Variants in RIT2 observed in about 807,000 individuals in gnomAD.
RIT2 encodes the protein GTP-binding protein Rit2.
Under a neutral mutation model 23.7 loss-of-function variants are expected in RIT2, and 24 were observed. That is an observed-to-expected ratio of 1.01 (90% CI 0.73 to 1.43). RIT2 has a LOEUF of 1.43. Among genes scored for constraint, RIT2 ranks in the 40% most tolerant of loss-of-function variants. The pLI is 0.00. For synonymous variants in RIT2, 107 were observed against 91.1 expected (o/e 1.17, Z -0.99); for missense variants, 236 against 266.9 (o/e 0.88, Z 0.81).
At chr18:42,841,485 G>C (rs1158000500) in intron 4 of RIT2, among the ~76,000 whole-genome samples, 1 of 152,050 alleles carries the variant, frequency 6.6e-6, no homozygotes, top group Non-Finnish European at 1.5e-5. Context: ...TCCTCTTGAT[G>C]GTTTGCTTCT....
intron 2 of RIT2, among the ~76,000 whole-genome samples, chr18:42,990,578 T>G: frequency 6.6e-6 from 1 of 152,322 alleles, no homozygotes; most frequent in Admixed American, 6.5e-5. Context: ...TTGTTGTAAT[T>G]ATTTGTCTTA....
chr18:43,099,561 A>C (rs1858738490), intron 1 of RIT2, among the ~76,000 whole-genome samples: 1 of 152,084 alleles, frequency 6.6e-6, no homozygotes, highest in Non-Finnish European at 1.5e-5. Flanking sequence ...TGGATTATTA[A>C]ATTTAATCTT....
At chr18:42,767,937 C>T (rs1344577062) in intron 4 of RIT2, among the ~76,000 whole-genome samples, 1 of 152,100 alleles carries the variant, frequency 6.6e-6, no homozygotes, top group East Asian at 1.9e-4. Context: ...GAAGCCTCCC[C>T]AGCCATGTGG....
intron 4 of RIT2, among the ~76,000 whole-genome samples, chr18:42,918,774 C>G (rs2144127706): frequency 6.6e-6 from 1 of 152,228 alleles, no homozygotes; most frequent in East Asian, 1.9e-4. Flanking sequence ...AGTGATCACT[C>G]TACTGCTTGT....
intron 4 of RIT2, among the ~76,000 whole-genome samples, chr18:42,893,759 AAAAG>A (rs1436904350): frequency 6.6e-6 from 1 of 152,288 alleles, no homozygotes; most frequent in East Asian, 1.9e-4. Flanking sequence ...AGGCAAGAAA[AAAAG>A]AGAGAGTCAA....
intron 4 of RIT2, among the ~76,000 whole-genome samples, chr18:42,829,457 C>T (rs1334564471): frequency 6.6e-6 from 1 of 152,156 alleles, no homozygotes; most frequent in Non-Finnish European, 1.5e-5. Context: ...GAGGGTGGCT[C>T]TGTGAGCTTC....
intron 1 of RIT2, among the ~76,000 whole-genome samples, chr18:43,063,690 T>C (rs1275411560): frequency 6.6e-6 from 1 of 152,146 alleles, no homozygotes; most frequent in East Asian, 1.9e-4. Flanking sequence ...TAAAATACAG[T>C]TCTTATGTGA....
In RIT2 at chr18:43,028,849, G is replaced by A. The variant is rs187035914; in HGVS notation, c.160+4962C>T. The stretch of plus-strand genomic sequence containing the variant: ...ACAGGAATTTTCTAGTGACACAAAG[G>A]AGTGACTCTATTAGTGTACATTTTA... On this transcript the variant is annotated intron_variant, in intron 2 of 4. Transcript: ENST00000326695. 3.7e-3 allele frequency among the ~76,000 whole-genome samples: 560 copies of A among 152,118 alleles called. 3 individuals are homozygous for A. The highest frequency in any genetic ancestry group is 6.2e-3 in the South Asian group (30 of 4,820).
chr18:42,841,720 T>C (rs544605583), intron 4 of RIT2, among the ~76,000 whole-genome samples: 2 of 152,324 alleles, frequency 1.3e-5, no homozygotes, highest in African/African-American at 4.8e-5. Flanking sequence ...ATGCTTCCTA[T>C]TTGTGGATGT....
chr18:43,078,703 G>A (rs1201668584), intron 1 of RIT2, among the ~76,000 whole-genome samples: 1 of 152,166 alleles, frequency 6.6e-6, no homozygotes, highest in African/African-American at 2.4e-5. Context: ...CCAGACTCCC[G>A]CTTCCCGGGA....
intron 4 of RIT2, among the ~76,000 whole-genome samples, chr18:42,749,151 A>C (rs1912986559): frequency 6.6e-6 from 1 of 151,976 alleles, no homozygotes; most frequent in Non-Finnish European, 1.5e-5. Flanking sequence ...AAATAAATGA[A>C]ATTGATCTAG....
intron 4 of RIT2, among the ~76,000 whole-genome samples, chr18:42,895,110 T>C (rs752350379): frequency 1.3e-5 from 2 of 152,232 alleles, no homozygotes; most frequent in Admixed American, 6.5e-5. Context: ...TTTGGCATTT[T>C]AATCTTATGC....
chr18:42,945,283 G>C (rs768914897), intron 3 of RIT2, among the ~76,000 whole-genome samples: 3 of 151,308 alleles, frequency 2.0e-5, no homozygotes, highest in South Asian at 2.1e-4. Flanking sequence ...TATTACATAA[G>C]AGTCTTTCTG....
chr18:42,969,073 TAATC>T (rs1910303514), intron 3 of RIT2, among the ~76,000 whole-genome samples: 1 of 152,178 alleles, frequency 6.6e-6, no homozygotes, highest in Admixed American at 6.5e-5. Context: ...ATCCATCAAA[TAATC>T]AAAACTATCA....
At chr18:42,803,571 G>A (rs1905598831) in intron 4 of RIT2, among the ~76,000 whole-genome samples, 1 of 152,164 alleles carries the variant, frequency 6.6e-6, no homozygotes, top group Non-Finnish European at 1.5e-5. Context: ...AAGTGGAGCA[G>A]AAATTTAGTA....
At chr18:42,840,271 T>C (rs1299291021) in intron 4 of RIT2, among the ~76,000 whole-genome samples, 1 of 152,238 alleles carries the variant, frequency 6.6e-6, no homozygotes, top group African/African-American at 2.4e-5. Context: ...ATTTCTTTCA[T>C]TTATTCCCAC....
intron 1 of RIT2, among the ~76,000 whole-genome samples, chr18:43,089,525 A>G (rs1370930961): frequency 1.3e-5 from 2 of 151,794 alleles, no homozygotes; most frequent in South Asian, 4.2e-4. Flanking sequence ...AAAAAAAACT[A>G]TTATAAAATT....
rs144650728 is a variant in RIT2, at chr18:43,031,569, A to G, written c.160+2242T>C. Among the ~76,000 whole-genome samples, 457 of 152,156 alleles carry G rather than the reference A, an allele frequency of 3.0e-3. 2 individuals carry two copies. The highest frequency in any genetic ancestry group is 5.2e-3 in the Non-Finnish European group (351 of 67,966). ...GATGTTGAGATTGTTGCCAATAAAT[A>G]AGGGGAACAATTACTCCTTGGGATG... On this transcript the variant is annotated intron_variant, in intron 2 of 4. Transcript: ENST00000326695.
intron 1 of RIT2, among the ~76,000 whole-genome samples, chr18:43,097,665 T>C (rs1455798518): frequency 6.6e-6 from 1 of 151,934 alleles, no homozygotes; most frequent in Non-Finnish European, 1.5e-5. Flanking sequence ...TGAGTTTTAC[T>C]TGAGGCTGAT....
Sources: gnomAD v4.1 joint callset for allele counts (sites outside exome capture counted in the v4.1 genomes callset) on GRCh38, gnomAD v4.1.1 for gene constraint, MANE v1.5 for transcripts, NCBI Gene and HGNC (gene_info 2026-07-23, HGNC 2026-07-21) for gene names.